The following STXBP3 variants were observed in gnomAD, a reference collection of about 807,000 sequenced individuals.
The protein encoded by STXBP3 is syntaxin binding protein 3.
In STXBP3, 41 loss-of-function variants were observed where a neutral mutation model predicts 85.7. That is an observed-to-expected ratio of 0.48 (90% CI 0.37 to 0.62). The LOEUF (loss-of-function observed/expected upper bound fraction) is 0.62. Among genes scored for constraint, STXBP3 ranks in the 20% least tolerant of loss-of-function variants. The probability of loss-of-function intolerance (pLI) is 0.00; values close to 1 mark genes in which losing one functional copy is unlikely to be tolerated. For synonymous variants in STXBP3, 229 were observed against 231.7 expected (o/e 0.99, Z 0.10); for missense variants, 563 against 703.1 (o/e 0.80, Z 2.25).
intron 16 of STXBP3, among the ~76,000 whole-genome samples, chr1:108,799,063 A>G (rs1663175012): frequency 6.6e-6 from 1 of 152,246 alleles, no homozygotes; most frequent in South Asian, 2.1e-4. Context: ...TGAGCTTAAT[A>G]AAATCATGAC....
rs1462750019 is a variant in STXBP3, at chr1:108,753,119, A to G, written c.156A>G (p.Thr52=). Residue 52 remains threonine, a synonymous_variant, in exon 3 of 19, where the codon ACA becomes ACG. Transcript: ENST00000370008. The part of the protein sequence containing the change: ...TKLLASCCKM[T]DLLEEGITVV... ...TTTTGGCATCGTGTTGCAAAATGAC[A>G]GATCTTCTAGAAGAAGGTATTACTG... 1.9e-6 allele frequency: 3 copies of G among 1,587,510 alleles called. No individual in the cohort carries two copies. The highest frequency in any genetic ancestry group is 2.6e-6 in the Non-Finnish European group (3 of 1,169,064).
Position 108,796,707 on chromosome 1 carries a change from G to A in STXBP3, c.1337G>A (p.Gly446Asp), listed in dbSNP as rs1216867992. ...SDMIRNWSYLGVPIVPQSQQG... is the reference protein window; with the variant it reads ...SDMIRNWSYLDVPIVPQSQQG... Reference sequence around the variant, plus strand: ...ATGATTCGTAACTGGAGTTACCTTGGTGTTCCCATTGTTCCCCAAGTAAGA... The same window carrying A: ...ATGATTCGTAACTGGAGTTACCTTGATGTTCCCATTGTTCCCCAAGTAAGA... Residue 446 changes from glycine (G) to aspartate (D), a missense_variant, in exon 15 of 19, where the codon GGT becomes GAT. Physicochemically the swap from Gly to Asp is moderately conservative, Grantham distance 94. Around this residue, in one of 3 missense-constraint regions of STXBP3, gnomAD observed 494 missense variants for 592.8 expected, o/e 0.83. Coordinates refer to ENST00000370008, the MANE Select transcript of STXBP3 (RefSeq NM_007269.4). The A allele has an allele frequency of 6.2e-6, 10 of 1,613,282 alleles. No homozygotes were observed. The highest frequency in any genetic ancestry group is 8.5e-6 in the Non-Finnish European group (10 of 1,179,742).
intron 6 of STXBP3, among the ~76,000 whole-genome samples, chr1:108,769,141 A>G (rs969625637): frequency 2.0e-5 from 3 of 152,234 alleles, no homozygotes; most frequent in African/African-American, 7.2e-5. Context: ...AGCTAGAGAA[A>G]AGAAAATGTT....
chr1:108,759,270 T>C (rs866210283), intron 5 of STXBP3: 13 of 152,222 alleles, frequency 8.5e-5, no homozygotes, highest in African/African-American at 3.1e-4. Flanking sequence ...TCATGCCTAA[T>C]AGTTTGCATT....
intron 11 of STXBP3, among the ~76,000 whole-genome samples, chr1:108,792,144 T>C (rs1166726109): frequency 6.6e-6 from 1 of 152,230 alleles, no homozygotes; most frequent in Non-Finnish European, 1.5e-5. Flanking sequence ...ATGTTATCAT[T>C]TGCTAACTTA....
intron 8 of STXBP3, 49 bp from the exon 9 acceptor site, chr1:108,779,237 A>C: frequency 6.4e-7 from 1 of 1,571,178 alleles, no homozygotes; most frequent in Non-Finnish European, 8.6e-7. Flanking sequence ...AACTATGTTC[A>C]CACTAAGAAA....
chr1:108,770,055 C>T lies in STXBP3; in HGVS notation c.439-2610C>T, dbSNP rs917448508. Among the ~76,000 whole-genome samples the T allele has an allele frequency of 5.9e-5, 9 of 152,042 alleles. 1 individual carries two copies. The East Asian group carries it at 7.7e-4, about 13-fold the overall frequency. Reference sequence around the variant, plus strand: ...CTGTAATCCCAGGACTTTAGGAGGCCAAGGCGGAAGGATTGCTTGAGCCCA... The same window carrying T: ...CTGTAATCCCAGGACTTTAGGAGGCTAAGGCGGAAGGATTGCTTGAGCCCA... On this transcript the variant is annotated intron_variant, in intron 6 of 18. Coordinates refer to ENST00000370008, the MANE Select transcript of STXBP3 (RefSeq NM_007269.4).
intron 11 of STXBP3, among the ~76,000 whole-genome samples, chr1:108,784,429 GATT>G (rs1473297163): frequency 1.3e-5 from 2 of 152,202 alleles, no homozygotes; most frequent in African/African-American, 4.8e-5. Flanking sequence ...AAAACCATCA[GATT>G]TTGTGTGAAC....
chr1:108,799,013 C>G (rs1373117602), intron 16 of STXBP3, among the ~76,000 whole-genome samples: 2 of 152,076 alleles, frequency 1.3e-5, no homozygotes, highest in Non-Finnish European at 2.9e-5. Context: ...GAACATTATT[C>G]AATTATAGGA....
intron 6 of STXBP3, among the ~76,000 whole-genome samples, chr1:108,769,281 C>T (rs1489405796): frequency 1.3e-5 from 2 of 152,006 alleles, no homozygotes; most frequent in African/African-American, 4.8e-5. Context: ...ATTGATCTTG[C>T]TGTCTCATGG....
At position 108,746,752 on chromosome 1, in the gene STXBP3, G is replaced by A. The variant is rs1327734398; in HGVS notation, c.15G>A (p.Val5=). The change falls in exon 1 of 19, where the codon GTG becomes GTA. Residue 5 remains valine (V), a synonymous_variant. Transcript: ENST00000370008. MAPP[V]AERGLKSVVW... is the part of the protein sequence containing the mutation. ...GTGTCGGGAAGATGGCGCCGCCGGT[G>A]GCAGAGAGGGGGCTAAAGAGCGTCG... 1 of 1,550,328 alleles carries A rather than the reference G, an allele frequency of 6.5e-7. No homozygotes were observed. The highest frequency in any genetic ancestry group is 2.0e-5 in the Admixed American group (1 of 51,018).
chr1:108,769,625 G>A (rs1171639391), intron 6 of STXBP3, among the ~76,000 whole-genome samples: 2 of 152,148 alleles, frequency 1.3e-5, no homozygotes, highest in Non-Finnish European at 2.9e-5. Context: ...AAAGCATGTG[G>A]CAGTAGTCTT....
At chr1:108,763,308 C>G (rs1239942604) in intron 6 of STXBP3, among the ~76,000 whole-genome samples, 1 of 152,102 alleles carries the variant, frequency 6.6e-6, no homozygotes, top group Non-Finnish European at 1.5e-5. Flanking sequence ...TTGGATAACC[C>G]CTTTTATCCT....
intron 17 of STXBP3, among the ~76,000 whole-genome samples, chr1:108,804,141 T>C (rs1032663981): frequency 1.3e-5 from 2 of 151,626 alleles, no homozygotes; most frequent in Admixed American, 6.6e-5. Context: ...TTGCCACTTC[T>C]GTAGTCTTGG....
intron 7 of STXBP3, among the ~76,000 whole-genome samples, chr1:108,775,242 T>G (rs1010111808): frequency 3.3e-5 from 5 of 152,132 alleles, no homozygotes; most frequent in Admixed American, 6.6e-5. Flanking sequence ...GAGGTTGTTA[T>G]GCTGGTGAAG....
At chr1:108,786,712 A>G (rs939063864) in intron 11 of STXBP3, among the ~76,000 whole-genome samples, 5 of 152,220 alleles carry the variant, frequency 3.3e-5, no homozygotes, top group Admixed American at 1.3e-4. Context: ...GAAATTTGGT[A>G]GTATAAGTCT....
At chr1:108,805,483 G>C (rs970286704) in intron 17 of STXBP3, among the ~76,000 whole-genome samples, 1 of 146,504 alleles carries the variant, frequency 6.8e-6, no homozygotes, top group African/African-American at 2.6e-5. Context: ...AGAGTCCAGT[G>C]GTGTGATCTT....
intron 17 of STXBP3, among the ~76,000 whole-genome samples, chr1:108,806,916 A>G (rs1438881579): frequency 6.6e-6 from 1 of 151,194 alleles, no homozygotes; most frequent in East Asian, 1.9e-4. Flanking sequence ...TGTCCTGCTT[A>G]AGTCTTGGTT....
intron 6 of STXBP3, among the ~76,000 whole-genome samples, chr1:108,766,690 A>G (rs1315112345): frequency 1.3e-5 from 2 of 152,198 alleles, no homozygotes; most frequent in Non-Finnish European, 2.9e-5. Flanking sequence ...AAAGCAGTTG[A>G]GTTGGGAGGA....
Sources: gnomAD v4.1 joint callset for allele counts (sites outside exome capture counted in the v4.1 genomes callset) on GRCh38, gnomAD v4.1.1 for gene constraint, gnomAD v4.1.1 regional missense constraint, MANE v1.5 for transcripts, NCBI Gene and HGNC (gene_info 2026-07-23, HGNC 2026-07-21) for gene names.